Variants in EIF3H observed in about 807,000 individuals in gnomAD.
EIF3H encodes the protein eukaryotic translation initiation factor 3 subunit H.
In EIF3H, 26 loss-of-function variants were observed where a neutral mutation model predicts 44.2. That is an observed-to-expected ratio of 0.59 (90% CI 0.43 to 0.82). EIF3H has a LOEUF of 0.82. Ranked by LOEUF, EIF3H falls within the 40% of genes least tolerant of loss-of-function variation. EIF3H has a pLI of 0.00. For missense variants in EIF3H, 359 were observed against 432.8 expected, an observed-to-expected ratio of 0.83 and a Z score of 1.51; for synonymous variants, 166 against 151.9, an observed-to-expected ratio of 1.09 and a Z score of -0.68.
chr8:116,739,986 A>G (rs1040931651), intron 1 of EIF3H, among the ~76,000 whole-genome samples: 2 of 129,462 alleles, frequency 1.5e-5, no homozygotes, highest in Non-Finnish European at 3.1e-5. Context: ...GAAAGATGAA[A>G]ATAAAACACA....
At chr8:116,661,300 G>A (rs1389118887) in intron 2 of EIF3H, among the ~76,000 whole-genome samples, 1 of 152,182 alleles carries the variant, frequency 6.6e-6, no homozygotes, top group Non-Finnish European at 1.5e-5. Flanking sequence ...GACAGAACGA[G>A]TAAGATTTTA....
chr8:116,649,505 A>G (rs1186523050), intron 5 of EIF3H, among the ~76,000 whole-genome samples: 1 of 152,208 alleles, frequency 6.6e-6, no homozygotes, highest in African/African-American at 2.4e-5. Context: ...CTCAGTTACC[A>G]ACATCGCTTT....
At position 116,755,773 on chromosome 8, in the gene EIF3H, C is replaced by T. The variant is rs536147299; in HGVS notation, c.25G>A (p.Gly9Ser). 3.9e-5 allele frequency: 63 copies of T among 1,614,026 alleles called. 1 individual carries two copies. In the South Asian group the frequency reaches 6.5e-4, roughly 17 times the overall value. MASRKEGT[G>S]STATSSSSTA... ...GAGCTGGAAGAGGTGGCAGTAGAGC[C>T]GGTACCTTCCTTGCGGGACGCCATC... The change falls in exon 1 of 8, where the codon GGC (glycine) becomes AGC (serine). Residue 9 changes from glycine (G) to serine (S), a missense_variant. Physicochemically the swap from Gly to Ser is moderately conservative, Grantham distance 56 (BLOSUM62 0). Coordinates refer to ENST00000521861, the MANE Select transcript of EIF3H (RefSeq NM_003756.3).
intron 2 of EIF3H, among the ~76,000 whole-genome samples, chr8:116,681,838 TA>T (rs919073473): frequency 2.0e-5 from 3 of 152,190 alleles, no homozygotes; most frequent in African/African-American, 7.2e-5. Context: ...TACCAAGGGC[TA>T]AAAGTTCACA....
Position 116,658,691 on chromosome 8 carries a change from G to C in EIF3H, c.457+122C>G, listed in dbSNP as rs1004295971. 4 of 909,802 alleles carry C rather than the reference G, an allele frequency of 4.4e-6. No individual in the cohort carries two copies. The African/African-American group carries it at 6.9e-5, about 16-fold the overall frequency. The allele number at this position is 909,802 out of a possible 1,614,324, so 56.4% of individuals were successfully genotyped here. ...CTGAGCTGCTGCTGAGGCTGCTGCAGAAACAGGGTTGGTATTTACTTGAGA... is the reference window on the plus strand; with the variant it reads ...CTGAGCTGCTGCTGAGGCTGCTGCACAAACAGGGTTGGTATTTACTTGAGA... On this transcript the variant is annotated intron_variant, in intron 3 of 7. Coordinates refer to ENST00000521861, the MANE Select transcript of EIF3H (RefSeq NM_003756.3).
intron 2 of EIF3H, among the ~76,000 whole-genome samples, chr8:116,713,345 G>A (rs1310203489): frequency 6.6e-6 from 1 of 152,056 alleles, no homozygotes; most frequent in Non-Finnish European, 1.5e-5. Flanking sequence ...GGAGAGTATA[G>A]CGTAAAGCAC....
chr8:116,713,667 C>T (rs1177904663), intron 2 of EIF3H, among the ~76,000 whole-genome samples: 1 of 152,016 alleles, frequency 6.6e-6, no homozygotes, highest in Non-Finnish European at 1.5e-5. Context: ...AAACCAAACA[C>T]ATAAAGTAAA....
chr8:116,687,210 A>G (rs1302548171), intron 2 of EIF3H, among the ~76,000 whole-genome samples: 2 of 152,200 alleles, frequency 1.3e-5, no homozygotes, highest in Non-Finnish European at 2.9e-5. Flanking sequence ...AAACTGGAAT[A>G]TAAGCAAGAA....
rs1814245106 is a variant in EIF3H, at chr8:116,695,059, T to A, written c.289+30957A>T. 4.0e-5 allele frequency among the ~76,000 whole-genome samples: 6 copies of A among 150,480 alleles called. No homozygotes were observed. The South Asian group carries it at 1.3e-3, about 32-fold the overall frequency. On this transcript the variant is annotated intron_variant, in intron 2 of 7. Transcript: ENST00000521861. ...AGTGCAAAAAAAACTAAGGTAAACT[T>A]CCTAATTCTTTTTTTTTTTTTTTTT...
intron 2 of EIF3H, among the ~76,000 whole-genome samples, chr8:116,673,056 G>A (rs1057158467): frequency 2.0e-5 from 3 of 148,848 alleles, no homozygotes; most frequent in African/African-American, 7.4e-5. Context: ...GCCAATGACA[G>A]GGACAAAGAT....
At chr8:116,723,629 G>C (rs116677056) in intron 2 of EIF3H, among the ~76,000 whole-genome samples, 2,650 of 152,274 alleles carry the variant, frequency 0.017, 77 homozygotes, top group African/African-American at 0.06. Flanking sequence ...TACTATGAAG[G>C]TGTGTAAGTC....
intron 1 of EIF3H, among the ~76,000 whole-genome samples, chr8:116,743,790 AT>A (rs1195257333): frequency 0.026 from 2,365 of 90,898 alleles, 100 homozygotes; most frequent in African/African-American, 0.098. Context: ...ATATATATAT[AT>A]ATATATAAAC....
intron 2 of EIF3H, among the ~76,000 whole-genome samples, chr8:116,712,705 A>C (rs1006597312): frequency 2.6e-5 from 4 of 152,196 alleles, no homozygotes; most frequent in African/African-American, 9.7e-5. Flanking sequence ...CAAAACAGAT[A>C]AAGTCCCAAA....
intron 2 of EIF3H, among the ~76,000 whole-genome samples, chr8:116,685,284 T>G (rs1814057062): frequency 6.6e-6 from 1 of 152,148 alleles, no homozygotes. Flanking sequence ...CTACTAAGGT[T>G]AGTGTGCAAT....
At chr8:116,718,639 C>T (rs1487568837) in intron 2 of EIF3H, among the ~76,000 whole-genome samples, 2 of 148,294 alleles carry the variant, frequency 1.3e-5, no homozygotes, top group East Asian at 2.0e-4. Flanking sequence ...AACCGAACAT[C>T]ATATGTTCTC....
chr8:116,740,404 C>A (rs955979498), intron 1 of EIF3H, among the ~76,000 whole-genome samples: 18 of 152,152 alleles, frequency 1.2e-4, no homozygotes, highest in Non-Finnish European at 1.2e-4. Context: ...GCTGCTTCTA[C>A]AGGAGATGAC....
At chr8:116,653,370 C>CACACACACA (rs1483571960) in intron 5 of EIF3H, among the ~76,000 whole-genome samples, 2 of 151,862 alleles carry the variant, frequency 1.3e-5, no homozygotes, top group South Asian at 2.1e-4. Flanking sequence ...CACACACACA[C>CACACACACA]AATCTGTGTA....
At chr8:116,747,710 G>A (rs1586492536) in intron 1 of EIF3H, among the ~76,000 whole-genome samples, 1 of 152,272 alleles carries the variant, frequency 6.6e-6, no homozygotes, top group African/African-American at 2.4e-5. Context: ...ATTTAAACAA[G>A]CTGTTGTCCA....
At chr8:116,700,930 G>T (rs1032095045) in intron 2 of EIF3H, among the ~76,000 whole-genome samples, 2 of 152,012 alleles carry the variant, frequency 1.3e-5, no homozygotes, top group Non-Finnish European at 1.5e-5. Context: ...TCAAAACATT[G>T]AACTAGCTAT....
Sources: allele counts gnomAD v4.1 joint callset (sites outside exome capture counted in the v4.1 genomes callset), GRCh38; gene constraint gnomAD v4.1.1; transcripts MANE v1.5; gene names NCBI Gene and HGNC (gene_info 2026-07-23, HGNC 2026-07-21).